EFNA5: variants seen among roughly 807,000 people sequenced by gnomAD.
The protein encoded by EFNA5 is ephrin-A5.
EFNA5 carries 5 observed loss-of-function variants against 22.9 expected under a neutral mutation model. That is an observed-to-expected ratio of 0.22 (90% confidence interval 0.11 to 0.46). EFNA5 has a LOEUF of 0.46. Ranked by LOEUF, EFNA5 falls within the 20% of genes least tolerant of loss-of-function variation. The pLI, the probability that EFNA5 is intolerant of heterozygous loss-of-function variation, is 0.99. For missense variants in EFNA5, 237 were observed against 293.3 expected, an observed-to-expected ratio of 0.81 and a Z score of 1.40; for synonymous variants, 113 against 112.2, an observed-to-expected ratio of 1.01 and a Z score of -0.04.
At chr5:107,515,362 TTTATTA>T (rs70996961) in intron 1 of EFNA5, among the ~76,000 whole-genome samples, 119 of 141,278 alleles carry the variant, frequency 8.4e-4, no homozygotes, top group East Asian at 1.2e-3. Context: ...TATTTTTTAT[TTTATTA>T]TTATTATTAT....
chr5:107,420,613 A>G (rs1748631318), intron 2 of EFNA5, among the ~76,000 whole-genome samples: 1 of 151,712 alleles, frequency 6.6e-6, no homozygotes, highest in Non-Finnish European at 1.5e-5. Context: ...GATGTTATGT[A>G]TTCCTAGCAT....
chr5:107,597,716 T>A (rs1749502984), intron 1 of EFNA5, among the ~76,000 whole-genome samples: 3 of 152,130 alleles, frequency 2.0e-5, no homozygotes, highest in Admixed American at 2.0e-4. Context: ...AGGAGATGAA[T>A]TCTGAATATA....
intron 1 of EFNA5, among the ~76,000 whole-genome samples, chr5:107,587,960 T>C (rs1161923125): frequency 6.6e-6 from 1 of 152,194 alleles, no homozygotes; most frequent in African/African-American, 2.4e-5. Flanking sequence ...ACAGGCTCTA[T>C]GGTGCCAGGC....
intron 1 of EFNA5, among the ~76,000 whole-genome samples, chr5:107,581,968 CAA>C (rs1358679005): frequency 6.6e-6 from 1 of 152,182 alleles, no homozygotes; most frequent in Non-Finnish European, 1.5e-5. Flanking sequence ...GAAAGCACCT[CAA>C]ACTTCTATCT....
intron 1 of EFNA5, among the ~76,000 whole-genome samples, chr5:107,512,182 C>A (rs948450786): frequency 1.6e-4 from 25 of 152,158 alleles, no homozygotes; most frequent in Admixed American, 1.5e-3. Context: ...GGAAGTCCCA[C>A]CCCACTGAGT....
intron 1 of EFNA5, among the ~76,000 whole-genome samples, chr5:107,516,608 G>A (rs540061545): frequency 2.6e-5 from 4 of 152,226 alleles, no homozygotes; most frequent in East Asian, 1.9e-4. Flanking sequence ...ACATATGGCC[G>A]TAAAAGAAAG....
chr5:107,534,273 T>A (rs1186068461), intron 1 of EFNA5, among the ~76,000 whole-genome samples: 1 of 152,222 alleles, frequency 6.6e-6, no homozygotes, highest in Non-Finnish European at 1.5e-5. Context: ...AGGGGTCTGA[T>A]ACTATCTTCC....
chr5:107,580,260 T>C (rs1681204561), intron 1 of EFNA5, among the ~76,000 whole-genome samples: 1 of 152,158 alleles, frequency 6.6e-6, no homozygotes, highest in Admixed American at 6.5e-5. Context: ...TTTTATAATA[T>C]ACAGAATTCT....
chr5:107,466,932 G>C (rs147436272), intron 1 of EFNA5, among the ~76,000 whole-genome samples: 5 of 152,286 alleles, frequency 3.3e-5, no homozygotes, highest in East Asian at 1.9e-4. Flanking sequence ...TGGGAAGAGC[G>C]TTAGGTTTGT....
At position 107,496,358 on chromosome 5, in the gene EFNA5, A is replaced by C. The variant is rs1339394509; in HGVS notation, c.126-68849T>G. Among the ~76,000 whole-genome samples, 3 of 150,512 alleles carry C rather than the reference A, an allele frequency of 2.0e-5. No homozygotes were observed. In the South Asian group the frequency reaches 6.3e-4, roughly 32 times the overall value. On this transcript the variant is annotated intron_variant, in intron 1 of 4. Coordinates refer to ENST00000333274, the MANE Select transcript of EFNA5 (RefSeq NM_001962.3). ...TCTCAAAAAAAAAAAAAAAAACAAAAAAACAAAAAACAACAACTACCCAGC... is the reference window on the plus strand; with the variant it reads ...TCTCAAAAAAAAAAAAAAAAACAAACAAACAAAAAACAACAACTACCCAGC...
intron 1 of EFNA5, among the ~76,000 whole-genome samples, chr5:107,589,182 A>G (rs555853132): frequency 6.6e-6 from 1 of 152,332 alleles, no homozygotes; most frequent in East Asian, 1.9e-4. Flanking sequence ...TGTAAAGCCA[A>G]CTGAATTATG....
chr5:107,419,376 A>G (rs181382434), intron 2 of EFNA5, among the ~76,000 whole-genome samples: 183 of 152,324 alleles, frequency 1.2e-3, no homozygotes, highest in Middle Eastern at 3.4e-3. Context: ...CAGCTTCACT[A>G]AAGACCTGTG....
chr5:107,458,809 T>A lies in EFNA5; in HGVS notation c.126-31300A>T, dbSNP rs1233232619. On this transcript the variant is annotated intron_variant, in intron 1 of 4. Transcript: ENST00000333274. ...TTTTAAGAAGTATTTTCTTATTGTG[T>A]GCAAGAGAAACTTTAATCATCCATT... is the stretch of plus-strand genomic sequence containing the variant. Among the ~76,000 whole-genome samples the A allele has an allele frequency of 2.6e-5, 4 of 152,176 alleles. No homozygotes were observed. In the East Asian group the frequency reaches 7.7e-4, roughly 29 times the overall value.
intron 1 of EFNA5, among the ~76,000 whole-genome samples, chr5:107,430,579 C>T (rs1276225155): frequency 6.6e-6 from 1 of 151,964 alleles, no homozygotes; most frequent in African/African-American, 2.4e-5. Context: ...AGTTTGCTCT[C>T]CTTTCCTAAC....
chr5:107,584,283 C>T (rs1451801751), intron 1 of EFNA5, among the ~76,000 whole-genome samples: 7 of 152,154 alleles, frequency 4.6e-5, no homozygotes, highest in African/African-American at 1.7e-4. Context: ...TTCATGGTGA[C>T]TGGGATCCAG....
chr5:107,418,245 G>C (rs1347451999), intron 2 of EFNA5, among the ~76,000 whole-genome samples: 1 of 152,118 alleles, frequency 6.6e-6, no homozygotes, highest in Non-Finnish European at 1.5e-5. Context: ...AGTGTCACTG[G>C]TGTGTTATTT....
intron 1 of EFNA5, among the ~76,000 whole-genome samples, chr5:107,594,986 A>C (rs1749445224): frequency 6.6e-6 from 1 of 152,172 alleles, no homozygotes; most frequent in South Asian, 2.1e-4. Context: ...AGATAGTTTA[A>C]TTTTGTGTAA....
At chr5:107,663,521 G>A (rs929219645) in intron 1 of EFNA5, among the ~76,000 whole-genome samples, 2 of 151,966 alleles carry the variant, frequency 1.3e-5, no homozygotes, top group African/African-American at 2.4e-5. Context: ...CACCAGAATC[G>A]TGATCATCAG....
At chr5:107,494,107 C>G (rs572584335) in intron 1 of EFNA5, among the ~76,000 whole-genome samples, 1 of 152,354 alleles carries the variant, frequency 6.6e-6, no homozygotes, top group African/African-American at 2.4e-5. Flanking sequence ...AGCCTTCGCT[C>G]GCTCTGGGTG....
Sources: allele counts gnomAD v4.1 joint callset (sites outside exome capture counted in the v4.1 genomes callset), GRCh38; gene constraint gnomAD v4.1.1; transcripts MANE v1.5; gene names NCBI Gene and HGNC (gene_info 2026-07-23, HGNC 2026-07-21).